The following IRAK2 variants were observed in gnomAD, a reference collection of about 807,000 sequenced individuals.
IRAK2 encodes the protein interleukin 1 receptor associated kinase 2, also known as interleukin-1 receptor-associated kinase-like 2.
In IRAK2, 57 loss-of-function variants were observed where a neutral mutation model predicts 72.0. That is an observed-to-expected ratio of 0.79 (90% CI 0.64 to 0.99). The LOEUF (loss-of-function observed/expected upper bound fraction) is 0.99, where lower values mean the gene tolerates loss of function less well. IRAK2 is among the 50% of genes least tolerant of loss of function. The pLI is 0.00. For missense variants in IRAK2, 790 were observed against 794.4 expected, an observed-to-expected ratio of 0.99 and a Z score of 0.07; for synonymous variants, 293 against 312.7, an observed-to-expected ratio of 0.94 and a Z score of 0.67.
chr3:10,220,814 A>G (rs774035253), intron 8 of IRAK2, among the ~76,000 whole-genome samples: 2 of 152,092 alleles, frequency 1.3e-5, no homozygotes, highest in Non-Finnish European at 2.9e-5. Flanking sequence ...GAGAGAGGTC[A>G]CCACTAACCT....
At position 10,238,954 on chromosome 3, in the gene IRAK2, T is replaced by C. The variant is rs376557712; in HGVS notation, c.1680T>C (p.Asn560=). ...GAATPLLPTE[N]GEGRLRVIVG... ...CCACCCCACTTCTCCCCACAGAGAA[T>C]GGGGAAGGAAGGCTGCGGGTCATCG... Residue 560 remains asparagine, a synonymous_variant, in exon 12 of 13, where the codon AAT becomes AAC. Coordinates refer to ENST00000256458, the MANE Select transcript of IRAK2 (RefSeq NM_001570.4). The C allele has an allele frequency of 1.2e-6, 2 of 1,613,994 alleles. No individual in the cohort carries two copies. Among genetic ancestry groups the C allele is most frequent in the Non-Finnish European group, 1.7e-6 (2 of 1,179,972 alleles).
chr3:10,181,673 A>G (rs1575957035), intron 2 of IRAK2, among the ~76,000 whole-genome samples: 1 of 152,184 alleles, frequency 6.6e-6, no homozygotes, highest in East Asian at 1.9e-4. Flanking sequence ...ATGCCCAACA[A>G]CAATAACTGT....
At chr3:10,239,874 C>T (rs527858379) in intron 12 of IRAK2, among the ~76,000 whole-genome samples, 11 of 151,564 alleles carry the variant, frequency 7.3e-5, no homozygotes, top group South Asian at 2.1e-4. Context: ...AGGCTGGGTG[C>T]GGTGGCTCAT....
intron 2 of IRAK2, among the ~76,000 whole-genome samples, chr3:10,183,607 G>A (rs572042687): frequency 1.3e-3 from 199 of 152,258 alleles, no homozygotes; most frequent in Non-Finnish European, 2.2e-3. Context: ...TGTAGTCCCA[G>A]CTACTCAGGA....
chr3:10,190,279 CTT>C (rs555169553), intron 2 of IRAK2, among the ~76,000 whole-genome samples: 14 of 114,738 alleles, frequency 1.2e-4, no homozygotes, highest in African/African-American at 2.2e-4. Context: ...TTCTTTGTTT[CTT>C]TTTTTTTTTT....
In IRAK2 at chr3:10,242,252, C is replaced by T. The variant is rs749922546; in HGVS notation, c.*24C>T. On this transcript the variant is annotated 3_prime_UTR_variant, in exon 13 of 13. Coordinates refer to ENST00000256458, the MANE Select transcript of IRAK2 (RefSeq NM_001570.4). ...GATGACCGGAACACAGCTGAGGACC[C>T]TTGTCCTCAGTTGGAAAGATGAGCA... The T allele has an allele frequency of 7.4e-7, 1 of 1,350,888 alleles. No homozygotes were observed. The highest frequency in any genetic ancestry group is 2.3e-5 in the East Asian group (1 of 43,148). The allele number at this position is 1,350,888 out of a possible 1,614,324, so 83.7% of individuals were successfully genotyped here.
intron 1 of IRAK2, among the ~76,000 whole-genome samples, chr3:10,167,569 C>G (rs955038427): frequency 1.3e-5 from 2 of 152,092 alleles, no homozygotes; most frequent in Non-Finnish European, 1.5e-5. Flanking sequence ...TGCCTGCCAC[C>G]ATGCCCGGCT....
At chr3:10,178,810 AC>A (rs1268925002) in intron 2 of IRAK2, among the ~76,000 whole-genome samples, 2 of 151,790 alleles carry the variant, frequency 1.3e-5, no homozygotes, top group Non-Finnish European at 2.9e-5. Context: ...TTTTTTAAAA[AC>A]TTTTTTTTTG....
chr3:10,234,212 C>G (rs1007266840), intron 10 of IRAK2, among the ~76,000 whole-genome samples: 3 of 152,008 alleles, frequency 2.0e-5, no homozygotes, highest in African/African-American at 7.3e-5. Flanking sequence ...CCAACCGAGG[C>G]CTAGAAAAAT....
At chr3:10,198,445 C>T (rs960787609) in intron 2 of IRAK2, among the ~76,000 whole-genome samples, 2 of 152,180 alleles carry the variant, frequency 1.3e-5, no homozygotes, top group African/African-American at 4.8e-5. Flanking sequence ...GCAGTGATGG[C>T]AGTGGTGTTT....
At position 10,234,672 on chromosome 3, in the gene IRAK2, C is replaced by T. The variant is rs1240274704; in HGVS notation, c.1473+13C>T. 11 of 1,608,758 alleles carry T rather than the reference C, an allele frequency of 6.8e-6. 1 individual carries two copies. In the East Asian group the frequency reaches 1.3e-4, roughly 20 times the overall value. On this transcript the variant is annotated intron_variant, in intron 11 of 12. Coordinates refer to ENST00000256458, the MANE Select transcript of IRAK2 (RefSeq NM_001570.4). Reference sequence around the variant, plus strand: ...CAGCCTGCAGGAGGTGAGCCTCGCCCGCAGCGGCCTCGCTGCCTGGGCCAC... The same window carrying T: ...CAGCCTGCAGGAGGTGAGCCTCGCCTGCAGCGGCCTCGCTGCCTGGGCCAC...
At chr3:10,238,615 T>G in intron 11 of IRAK2, 133 bp from the exon 12 acceptor site, 2 of 875,634 alleles carry the variant, frequency 2.3e-6, no homozygotes, top group Non-Finnish European at 3.5e-6. Flanking sequence ...AGGGTGTGGT[T>G]TTTTCAGACA....
At chr3:10,214,460 G>T (rs1697572155) in intron 6 of IRAK2, among the ~76,000 whole-genome samples, 1 of 142,996 alleles carries the variant, frequency 7.0e-6, no homozygotes, top group South Asian at 2.2e-4. Flanking sequence ...TGAGCTCCCG[G>T]GCTCAAGTGA....
intron 4 of IRAK2, among the ~76,000 whole-genome samples, chr3:10,212,557 C>T (rs1697536874): frequency 6.6e-6 from 1 of 152,146 alleles, no homozygotes; most frequent in Non-Finnish European, 1.5e-5. Flanking sequence ...TCAGTGCTTA[C>T]TTCTGTAAAC....
At chr3:10,194,866 G>A (rs1177474395) in intron 2 of IRAK2, among the ~76,000 whole-genome samples, 1 of 152,210 alleles carries the variant, frequency 6.6e-6, no homozygotes, top group Non-Finnish European at 1.5e-5. Flanking sequence ...AGAACTTCTT[G>A]TTGGGGCTGA....
Position 10,225,800 on chromosome 3 carries a change from G to A in IRAK2, c.1210-571G>A, listed in dbSNP as rs534097054. Among the ~76,000 whole-genome samples the A allele has an allele frequency of 4.0e-5, 6 of 151,558 alleles. No individual in the cohort carries two copies. The East Asian group carries it at 7.8e-4, about 20-fold the overall frequency. ...TGCAAGATCCACCTCCCAGGTTCAC[G>A]CCATTCTCCTGCCTCAGCCTCCCAA... On this transcript the variant is annotated intron_variant, in intron 9 of 12. Transcript: ENST00000256458.
intron 10 of IRAK2, among the ~76,000 whole-genome samples, chr3:10,230,962 A>G (rs763458305): frequency 7.2e-4 from 109 of 152,070 alleles, no homozygotes; most frequent in Non-Finnish European, 1.2e-3. Context: ...CATGTTGGCC[A>G]GGCTGGTCTT....
chr3:10,226,501 G>C (rs574491516), intron 10 of IRAK2, 68 bp downstream of exon 10: 12 of 1,282,158 alleles, frequency 9.4e-6, no homozygotes, highest in Middle Eastern at 1.9e-4. Flanking sequence ...AGAGGGCAAC[G>C]ACCTCAATTC....
In IRAK2 at chr3:10,226,585, C is replaced by T. The variant is rs1697780490; in HGVS notation, c.1272+152C>T. ...CATCCCCACAAAGCAGCTTTAACCT[C>T]CCATCCCCACCTGCCAGCCAACCAT... On this transcript the variant is annotated intron_variant, in intron 10 of 12. Coordinates refer to ENST00000256458, the MANE Select transcript of IRAK2 (RefSeq NM_001570.4). The T allele has an allele frequency of 4.8e-5, 29 of 603,514 alleles. No individual in the cohort carries two copies. The South Asian group carries it at 5.6e-4, about 12-fold the overall frequency. The allele number at this position is 603,514 out of a possible 1,614,324, so 37.4% of individuals were successfully genotyped here.
Sources: gnomAD v4.1 joint callset for allele counts (sites outside exome capture counted in the v4.1 genomes callset) on GRCh38, gnomAD v4.1.1 for gene constraint, MANE v1.5 for transcripts, NCBI Gene and HGNC (gene_info 2026-07-23, HGNC 2026-07-21) for gene names.